Variants in CTSB observed in about 807,000 individuals in gnomAD.
CTSB encodes APP secretase.
A neutral mutation model predicts 44.3 loss-of-function variants in CTSB; 57 were observed. That is an observed-to-expected ratio of 1.29 (90% confidence interval 1.04 to 1.60). The LOEUF is 1.60. CTSB is among the 40% of genes most tolerant of loss of function. The pLI, the probability that CTSB is intolerant of heterozygous loss-of-function variation, is 0.00. For synonymous variants in CTSB, 320 were observed against 168.0 expected, an observed-to-expected ratio of 1.91 and a Z score of -7.00; for missense variants, 768 against 443.0, an observed-to-expected ratio of 1.73 and a Z score of -6.59.
Position 11,845,059 on chromosome 8 carries a change from TAAAG to T in CTSB, c.*62_*65del, listed in dbSNP as rs1813002727. ...CTGAAACTTGTATCTTACGTGAACT[TAAAG>T]AATAAAATGCATTTCTACCCCGATC... On this transcript the variant is annotated 3_prime_UTR_variant, in exon 10 of 10. Transcript: ENST00000353047. 2.6e-5 allele frequency: 29 copies of T among 1,095,090 alleles called. No homozygotes were observed. Among genetic ancestry groups the T allele is most frequent in the Non-Finnish European group, 2.8e-6 (2 of 714,316 alleles). The allele number at this position is 1,095,090 out of a possible 1,614,324, so 67.8% of individuals were successfully genotyped here.
rs1000336436 is a variant in CTSB at position 11,851,113 on chromosome 8, G to A, written c.213-133C>T. On this transcript the variant is annotated intron_variant, in intron 3 of 9. Coordinates refer to ENST00000353047, the MANE Select transcript of CTSB (RefSeq NM_001908.5). ...ACAAGACATGCCGAAGAAGGCTGCAGACAGGTGTCCTTGGTAATTTCATAA... is the reference window on the plus strand; with the variant it reads ...ACAAGACATGCCGAAGAAGGCTGCAAACAGGTGTCCTTGGTAATTTCATAA... 1.5e-5 allele frequency: 6 copies of A among 410,124 alleles called. No individual in the cohort carries two copies. The East Asian group carries it at 1.9e-4, about 13-fold the overall frequency. The allele number at this position is 410,124 out of a possible 1,614,324, so 25.4% of individuals were successfully genotyped here. A position where few individuals can be genotyped will look rare whatever the true frequency, so the allele number is the denominator to read the frequency against.
At chr8:11,867,230 C>A (rs1214706441) in intron 1 of CTSB, 1 of 152,280 alleles carries the variant, frequency 6.6e-6, no homozygotes, top group East Asian at 1.9e-4. Flanking sequence ...AGGCCAACTC[C>A]CCCCGGCCTC....
intron 1 of CTSB, among the ~76,000 whole-genome samples, chr8:11,862,031 C>G (rs1454036637): frequency 6.6e-6 from 1 of 152,090 alleles, no homozygotes; most frequent in East Asian, 1.9e-4. Flanking sequence ...CACGGTGAAA[C>G]CCCGTTTCTA....
chr8:11,847,397 A>G (rs1380258632), intron 7 of CTSB, among the ~76,000 whole-genome samples: 1 of 152,148 alleles, frequency 6.6e-6, no homozygotes, highest in Non-Finnish European at 1.5e-5. Context: ...GCCCCGGAAG[A>G]GGCCAGGATA....
rs1812814061 is a variant in CTSB at position 11,844,286 on chromosome 8, G to A, written c.*839C>T. 1 of 152,254 alleles carries A rather than the reference G, an allele frequency of 6.6e-6. No homozygotes were observed. Among genetic ancestry groups the A allele is most frequent in the African/African-American group, 2.4e-5 (1 of 41,466 alleles). 9.4% of individuals were successfully genotyped at this position (152,254 alleles called of 1,614,324 possible). Reference sequence around the variant, plus strand: ...CAGCAGCTACAAGTCTATAGGCAGTGACAAAGGATCTGAGATCCCATCAGA... The same window carrying A: ...CAGCAGCTACAAGTCTATAGGCAGTAACAAAGGATCTGAGATCCCATCAGA... On this transcript the variant is annotated 3_prime_UTR_variant, in exon 10 of 10. Coordinates refer to ENST00000353047, the MANE Select transcript of CTSB (RefSeq NM_001908.5).
intron 1 of CTSB, among the ~76,000 whole-genome samples, chr8:11,857,110 A>G (rs1023509370): frequency 1.3e-5 from 2 of 151,872 alleles, no homozygotes; most frequent in East Asian, 1.9e-4. Context: ...TGAAACCTCT[A>G]CCTCCCAGGT....
chr8:11,858,874 T>C (rs1476858067), intron 1 of CTSB, among the ~76,000 whole-genome samples: 1 of 152,242 alleles, frequency 6.6e-6, no homozygotes, highest in East Asian at 1.9e-4. Context: ...CTTCCCTTTA[T>C]ATAGGCACCC....
At chr8:11,846,770 A>C (rs1163334781) in intron 8 of CTSB, among the ~76,000 whole-genome samples, 1 of 152,194 alleles carries the variant, frequency 6.6e-6, no homozygotes, top group Non-Finnish European at 1.5e-5. Context: ...CCCACAGAGA[A>C]CATGTATGAG....
chr8:11,854,101 G>A (rs768060405), intron 1 of CTSB, among the ~76,000 whole-genome samples: 1 of 152,188 alleles, frequency 6.6e-6, no homozygotes, highest in Non-Finnish European at 1.5e-5. Flanking sequence ...TGCCCCAGCC[G>A]TTTGATCTTG....
intron 2 of CTSB, among the ~76,000 whole-genome samples, chr8:11,853,039 G>C (rs28564794): frequency 0.018 from 2,797 of 152,266 alleles, 71 homozygotes; most frequent in African/African-American, 0.064. Context: ...CGTCACAGGG[G>C]CTAGCTGGTT....
intron 1 of CTSB, chr8:11,853,730 G>A (rs887276124): frequency 2.7e-5 from 11 of 414,848 alleles, no homozygotes; most frequent in African/African-American, 1.0e-4. Flanking sequence ...TGCTGGACGA[G>A]ACCGAGTCCA....
At chr8:11,857,563 C>A (rs1009420737) in intron 1 of CTSB, among the ~76,000 whole-genome samples, 1 of 152,156 alleles carries the variant, frequency 6.6e-6, no homozygotes, top group African/African-American at 2.4e-5. Context: ...ACCAAGATTT[C>A]TTTGGTTACT....
chr8:11,849,252 C>A, intron 4 of CTSB, 88 bp from the exon 5 acceptor site: 2 of 989,010 alleles, frequency 2.0e-6, no homozygotes, highest in South Asian at 1.3e-5. Flanking sequence ...AGGGGCACCT[C>A]AGACCTTGTA....
At chr8:11,852,548 C>T (rs1396598688) in intron 3 of CTSB, 62 bp downstream of exon 3, 1 of 1,412,622 alleles carries the variant, frequency 7.1e-7, no homozygotes, top group Non-Finnish European at 9.8e-7. Context: ...CTCCCACTTC[C>T]CACTGCCCCA....
chr8:11,852,576 C>G (rs367722326), intron 3 of CTSB, 34 bp downstream of exon 3: 4 of 1,569,572 alleles, frequency 2.5e-6, no homozygotes, highest in Non-Finnish European at 3.5e-6. Context: ...GCCTGCCACT[C>G]ACATTACAGC....
At position 11,848,165 on chromosome 8, in the gene CTSB, C is replaced by A. The variant is rs370587492; in HGVS notation, c.447-13G>T. 41 of 1,611,828 alleles carry A rather than the reference C, an allele frequency of 2.5e-5. No homozygotes were observed. The highest frequency in any genetic ancestry group is 4.4e-5 in the South Asian group (4 of 91,044). On this transcript the variant is annotated splice_polypyrimidine_tract_variant and intron_variant, in intron 5 of 9. Coordinates refer to ENST00000353047, the MANE Select transcript of CTSB (RefSeq NM_001908.5). ...GCCACCATTACAGCTGAAAAGACAG[C>A]CTCTAATGAAAACCTCTGAGAGAAG...
chr8:11,863,390 C>T (rs1376053808), intron 1 of CTSB, among the ~76,000 whole-genome samples: 2 of 151,452 alleles, frequency 1.3e-5, no homozygotes, highest in East Asian at 1.9e-4. Context: ...ACCCGGGAGG[C>T]GGAGGTTACA....
chr8:11,847,737 C>T lies in CTSB; in HGVS notation c.618G>A (p.Lys206=). The change falls in exon 7 of 10, where the codon AAG becomes AAA. Residue 206 remains lysine (K), a synonymous_variant. Transcript: ENST00000353047. ...PPCTGEGDTP[K]CSKICEPGYS... ...AGCCAGGCTCACAGATCTTGCTACA[C>T]TTGGGGGTATCTCCCTCCCCCGTGC... 1.9e-6 allele frequency: 3 copies of T among 1,600,904 alleles called. No homozygotes were observed. Among genetic ancestry groups the T allele is most frequent in the South Asian group, 2.2e-5 (2 of 89,260 alleles).
At chr8:11,851,495 T>TG (rs1486412296) in intron 3 of CTSB, among the ~76,000 whole-genome samples, 3 of 152,130 alleles carry the variant, frequency 2.0e-5, no homozygotes, top group Non-Finnish European at 4.4e-5. Context: ...TGGCCTGACT[T>TG]GCGATATTGT....
Sources: allele counts gnomAD v4.1 joint callset (sites outside exome capture counted in the v4.1 genomes callset), GRCh38; gene constraint gnomAD v4.1.1; transcripts MANE v1.5; gene names NCBI Gene and HGNC (gene_info 2026-07-23, HGNC 2026-07-21).